The following ANKRD36 variants were observed in gnomAD, a reference collection of about 807,000 sequenced individuals.
ANKRD36 encodes the protein ankyrin repeat domain 36.
A neutral mutation model predicts 278.1 loss-of-function variants in ANKRD36; 179 were observed. The ratio of observed to expected loss-of-function variants is 0.64; its 90% confidence interval spans 0.57 to 0.73. The LOEUF (loss-of-function observed/expected upper bound fraction) is 0.73, where lower values mean the gene tolerates loss of function less well. Ranked by LOEUF, ANKRD36 falls within the 30% of genes least tolerant of loss-of-function variation. ANKRD36 has a pLI of 0.00. For missense variants in ANKRD36, 1,159 were observed against 1,956.7 expected (o/e 0.59, Z 7.69); for synonymous variants, 320 against 641.1 (o/e 0.50, Z 7.57).
Position 97,187,426 on chromosome 2 carries a change from G to A in ANKRD36, c.2143+25G>A, listed in dbSNP as rs747552185. The A allele has an allele frequency of 4.5e-6, 6 of 1,337,346 alleles. No individual in the cohort carries two copies. The African/African-American group carries it at 8.5e-5, about 19-fold the overall frequency. 82.8% of individuals were successfully genotyped at this position (1,337,346 alleles called of 1,614,324 possible). A position where few individuals can be genotyped will look rare whatever the true frequency, so the allele number is the denominator to read the frequency against. On this transcript the variant is annotated intron_variant, in intron 32 of 75. Coordinates refer to ENST00000420699, the MANE Select transcript of ANKRD36 (RefSeq NM_001354587.1). ...GGTAATTTTGCAAAACACATTCAAT[G>A]TCATGTTCAATCCAGATAGAAAAGA... is the stretch of plus-strand genomic sequence containing the variant.
chr2:97,135,699 G>A lies in ANKRD36; in HGVS notation c.800-6941G>A, dbSNP rs373513163. 3.9e-4 allele frequency among the ~76,000 whole-genome samples: 59 copies of A among 151,770 alleles called. No homozygotes were observed. The East Asian group carries it at 0.01, about 26-fold the overall frequency. On this transcript the variant is annotated intron_variant, in intron 6 of 75. Transcript: ENST00000420699. ...TACAGATTATGTCAATGACTAGTGA[G>A]TAGATATCATATATAATGTGTATGC...
At chr2:97,193,662 G>T (rs1163648994) in intron 38 of ANKRD36, among the ~76,000 whole-genome samples, 1 of 151,586 alleles carries the variant, frequency 6.6e-6, no homozygotes, top group Non-Finnish European at 1.5e-5. Context: ...CTGGAAGCAG[G>T]AAACAATGGT....
intron 13 of ANKRD36, 107 bp downstream of exon 13, chr2:97,152,046 G>A: frequency 1.1e-6 from 1 of 932,904 alleles, no homozygotes; most frequent in Admixed American, 2.5e-5. Flanking sequence ...AGGCTGGAGT[G>A]CAGTGGTGCG....
chr2:97,134,053 CT>C (rs550053010), intron 6 of ANKRD36, among the ~76,000 whole-genome samples: 74 of 152,182 alleles, frequency 4.9e-4, no homozygotes, highest in African/African-American at 1.7e-3. Context: ...AAATTTGTCT[CT>C]TTTTTTATTC....
chr2:97,203,966 A>T lies in ANKRD36; in HGVS notation c.2960-102A>T, dbSNP rs1418446982. 4.0e-6 allele frequency: 6 copies of T among 1,497,760 alleles called. No individual in the cohort carries two copies. The East Asian group carries it at 1.5e-4, about 37-fold the overall frequency. 92.8% of individuals were successfully genotyped at this position (1,497,760 alleles called of 1,614,324 possible). ...TTAGAAGCCATCAAAGCATACGCTAATACAGGCAGGAGGACAGAGGCTGAT... is the reference window on the plus strand; with the variant it reads ...TTAGAAGCCATCAAAGCATACGCTATTACAGGCAGGAGGACAGAGGCTGAT... On this transcript the variant is annotated intron_variant, in intron 48 of 75. Transcript: ENST00000420699.
intron 75 of ANKRD36, among the ~76,000 whole-genome samples, chr2:97,260,347 G>GATATATATATATATATATATATAT (rs71218080): frequency 8.5e-6 from 1 of 117,648 alleles, no homozygotes; most frequent in Non-Finnish European, 1.7e-5. Flanking sequence ...TATTTTAAAA[G>GATATATATATATATATATATATAT]ATATATATAT....
chr2:97,144,608 G>C (rs1193234174), intron 9 of ANKRD36, 32 bp from the exon 10 acceptor site: 7 of 1,556,778 alleles, frequency 4.5e-6, no homozygotes, highest in Non-Finnish European at 5.2e-6. Flanking sequence ...TATACTGTAG[G>C]TATTGATTAT....
At chr2:97,179,267 T>G (rs998992356) in intron 22 of ANKRD36, among the ~76,000 whole-genome samples, 1 of 151,612 alleles carries the variant, frequency 6.6e-6, no homozygotes, top group African/African-American at 2.4e-5. Context: ...TCATTATAAT[T>G]GTGTACCTTC....
In ANKRD36 at chr2:97,147,386, A is replaced by G. The variant is rs550506329; in HGVS notation, c.1034+870A>G. ...TTATAGTTTTCATGTATGGCAGCTA[A>G]ATATTCCCCATTTTCCTATAGACAC... On this transcript the variant is annotated intron_variant, in intron 11 of 75. Transcript: ENST00000420699. 7.9e-5 allele frequency among the ~76,000 whole-genome samples: 12 copies of G among 151,996 alleles called. No individual in the cohort carries two copies. In the South Asian group the frequency reaches 2.1e-3, roughly 26 times the overall value.
At chr2:97,174,414 A>G (rs1398436451) in intron 22 of ANKRD36, among the ~76,000 whole-genome samples, 1 of 151,558 alleles carries the variant, frequency 6.6e-6, no homozygotes. Context: ...ACAGTGACTC[A>G]TTGCTCCTCT....
At chr2:97,190,761 C>T (rs1402654936) in intron 34 of ANKRD36, among the ~76,000 whole-genome samples, 1 of 151,536 alleles carries the variant, frequency 6.6e-6, no homozygotes, top group East Asian at 2.0e-4. Context: ...CGAATCATAC[C>T]ATGTTTGAAA....
intron 67 of ANKRD36, among the ~76,000 whole-genome samples, chr2:97,229,792 T>G (rs1375867759): frequency 6.6e-6 from 1 of 152,108 alleles, no homozygotes; most frequent in Non-Finnish European, 1.5e-5. Context: ...TTCCTTTCCA[T>G]GTTTAGTGCT....
chr2:97,199,572 C>G (rs2060726996), intron 44 of ANKRD36, among the ~76,000 whole-genome samples: 1 of 151,908 alleles, frequency 6.6e-6, no homozygotes. Flanking sequence ...GAATGAAAAA[C>G]TGAGTAATAT....
chr2:97,177,425 C>G (rs2054616279), intron 22 of ANKRD36, among the ~76,000 whole-genome samples: 1 of 151,882 alleles, frequency 6.6e-6, no homozygotes, highest in African/African-American at 2.4e-5. Context: ...TGACTTCAAA[C>G]TATACTACAA....
At chr2:97,133,571 C>T (rs1402148797) in intron 6 of ANKRD36, among the ~76,000 whole-genome samples, 11 of 151,802 alleles carry the variant, frequency 7.2e-5, no homozygotes, top group Non-Finnish European at 1.6e-4. Flanking sequence ...AAAAATCAAT[C>T]ATTTATCAAT....
chr2:97,135,919 A>G (rs1032572201), intron 6 of ANKRD36, among the ~76,000 whole-genome samples: 9 of 152,042 alleles, frequency 5.9e-5, no homozygotes, highest in South Asian at 2.1e-4. Context: ...TATGAAATAT[A>G]TATTTGGTCT....
chr2:97,205,989 A>C lies in ANKRD36; in HGVS notation c.3090+21A>C, dbSNP rs200118960. Reference sequence around the variant, plus strand: ...TGAAGGTAATGAAACTCCCATTTATATTGTGAACGAGTTAATATATGGTCT... The same window carrying C: ...TGAAGGTAATGAAACTCCCATTTATCTTGTGAACGAGTTAATATATGGTCT... On this transcript the variant is annotated intron_variant, in intron 51 of 75. Coordinates refer to ENST00000420699, the MANE Select transcript of ANKRD36 (RefSeq NM_001354587.1). 8.3e-3 allele frequency: 12,799 copies of C among 1,550,092 alleles called. 225 individuals are homozygous for C. Among genetic ancestry groups the C allele is most frequent in the Non-Finnish European group, 7.5e-3 (8,642 of 1,150,990 alleles).
intron 66 of ANKRD36, among the ~76,000 whole-genome samples, chr2:97,224,431 G>A (rs10206773): frequency 0.15 from 22,866 of 148,336 alleles, 2,961 homozygotes; most frequent in South Asian, 0.6. Context: ...AAAGACTATC[G>A]TTTTGTTTTT....
intron 36 of ANKRD36, among the ~76,000 whole-genome samples, chr2:97,192,006 G>T (rs1307107436): frequency 2.6e-5 from 4 of 151,612 alleles, no homozygotes; most frequent in Non-Finnish European, 2.9e-5. Context: ...CTCCCAACAA[G>T]GCTATTTTAG....
Sources: gnomAD v4.1 joint callset for allele counts (sites outside exome capture counted in the v4.1 genomes callset) on GRCh38, gnomAD v4.1.1 for gene constraint, MANE v1.5 for transcripts, NCBI Gene and HGNC (gene_info 2026-07-23, HGNC 2026-07-21) for gene names.